Variants in ARHGAP26 observed in about 807,000 individuals in gnomAD.
ARHGAP26 encodes the protein Rho GTPase activating protein 26.
ARHGAP26 carries 38 observed loss-of-function variants against 104.8 expected under a neutral mutation model. The ratio of observed to expected loss-of-function variants is 0.36; its 90% CI spans 0.28 to 0.48. ARHGAP26 has a LOEUF of 0.48. Ranked by LOEUF, ARHGAP26 falls within the 20% of genes least tolerant of loss-of-function variation. The pLI is 0.99. For missense variants in ARHGAP26, 704 were observed against 947.9 expected, an observed-to-expected ratio of 0.74 and a Z score of 3.38; for synonymous variants, 341 against 340.0, an observed-to-expected ratio of 1.00 and a Z score of -0.03.
At chr5:142,992,825 A>G (rs1775815962) in intron 11 of ARHGAP26, among the ~76,000 whole-genome samples, 1 of 152,338 alleles carries the variant, frequency 6.6e-6, no homozygotes, top group South Asian at 2.1e-4. Context: ...CATAGCTGAC[A>G]CTGCTGGGTT....
chr5:142,987,223 T>C (rs996681352), intron 11 of ARHGAP26, among the ~76,000 whole-genome samples: 8 of 152,162 alleles, frequency 5.3e-5, no homozygotes, highest in Non-Finnish European at 1.2e-4. Flanking sequence ...CCCTTGTAAG[T>C]TGGATTCCTA....
rs187312874 is a variant in ARHGAP26 at position 142,986,403 on chromosome 5, T to G, written c.1108-27677T>G. Among the ~76,000 whole-genome samples, 33 of 152,346 alleles carry G rather than the reference T, an allele frequency of 2.2e-4. No homozygotes were observed. The East Asian group carries it at 5.8e-3, about 27-fold the overall frequency. On this transcript the variant is annotated intron_variant, in intron 11 of 22. Transcript: ENST00000645722. ...GTTTAAGTTCTTTGTAGATTCTGGA[T>G]ATTAGCCCTTTGTCAGATGGGTAGA...
chr5:143,140,844 G>A lies in ARHGAP26; in HGVS notation c.1838-6387G>A, dbSNP rs535962574. 7.9e-5 allele frequency among the ~76,000 whole-genome samples: 12 copies of A among 152,252 alleles called. No homozygotes were observed. The East Asian group carries it at 2.1e-3, about 27-fold the overall frequency. ...AGCTCTGAATAATTTTTTTAGTTCC[G>A]TTAATTCATCCTAGACCCTCTCCCA... On this transcript the variant is annotated intron_variant, in intron 19 of 22. Coordinates refer to ENST00000645722, the MANE Select transcript of ARHGAP26 (RefSeq NM_001135608.3).
At chr5:142,919,092 T>C (rs1762864788) in intron 10 of ARHGAP26, 4 of 397,292 alleles carry the variant, frequency 1.0e-5, no homozygotes. Flanking sequence ...GCTGAAGTCC[T>C]AATCCCCAGT....
intron 11 of ARHGAP26, among the ~76,000 whole-genome samples, chr5:142,946,153 C>T (rs185662924): frequency 2.6e-5 from 4 of 152,272 alleles, no homozygotes; most frequent in Non-Finnish European, 5.9e-5. Context: ...CTTCTAAAGC[C>T]TCTCTGACAT....
chr5:142,936,941 T>A (rs1765508486), intron 11 of ARHGAP26, among the ~76,000 whole-genome samples: 1 of 152,098 alleles, frequency 6.6e-6, no homozygotes, highest in African/African-American at 2.4e-5. Flanking sequence ...ATGTGTGGAA[T>A]CTAGGACTAG....
At position 143,114,132 on chromosome 5, in the gene ARHGAP26, T is replaced by C. The variant is rs59504374; in HGVS notation, c.1539-6856T>C. 7.6e-3 allele frequency among the ~76,000 whole-genome samples: 1,154 copies of C among 152,302 alleles called. 13 individuals are homozygous for C. Among genetic ancestry groups the C allele is most frequent in the African/African-American group, 0.026 (1,074 of 41,552 alleles). On this transcript the variant is annotated intron_variant, in intron 17 of 22. Transcript: ENST00000645722. ...GTACCCACCATAAGCATTCAATTAA[T>C]TATTTCAGGCTTCCTGTCTGGCTTC...
At chr5:142,990,137 G>C (rs1299603174) in intron 11 of ARHGAP26, among the ~76,000 whole-genome samples, 2 of 152,114 alleles carry the variant, frequency 1.3e-5, no homozygotes, top group Admixed American at 1.3e-4. Context: ...ACATTTCTTG[G>C]AGGATTTGTT....
chr5:142,984,408 C>T (rs1346623558), intron 11 of ARHGAP26, among the ~76,000 whole-genome samples: 1 of 152,164 alleles, frequency 6.6e-6, no homozygotes, highest in Admixed American at 6.5e-5. Flanking sequence ...AAATACTATT[C>T]TACAACCAGA....
At chr5:142,963,518 A>AT (rs1043648777) in intron 11 of ARHGAP26, among the ~76,000 whole-genome samples, 17 of 151,802 alleles carry the variant, frequency 1.1e-4, no homozygotes, top group Non-Finnish European at 2.5e-4. Flanking sequence ...AGCATCTCTT[A>AT]TTTTTTTACT....
chr5:142,771,096 A>G lies in ARHGAP26; in HGVS notation c.154+181A>G. On this transcript the variant is annotated intron_variant, in intron 1 of 22. Coordinates refer to ENST00000645722, the MANE Select transcript of ARHGAP26 (RefSeq NM_001135608.3). The stretch of plus-strand genomic sequence containing the variant: ...CGGGCGAACCAGCAACCATCAGATG[A>G]AGAGAGAGACCCGTCGCTCCGCCTT... 7.5e-6 allele frequency: 10 copies of G among 1,340,686 alleles called. No individual in the cohort carries two copies. In the South Asian group the frequency reaches 1.9e-4, roughly 25 times the overall value. 83.0% of individuals were successfully genotyped at this position (1,340,686 alleles called of 1,614,324 possible).
chr5:143,075,269 A>G (rs1034259898), intron 17 of ARHGAP26, among the ~76,000 whole-genome samples: 29 of 151,570 alleles, frequency 1.9e-4, no homozygotes, highest in Admixed American at 3.9e-4. Flanking sequence ...GTAAGTAAAT[A>G]TTATGTATAG....
At chr5:142,949,178 A>AGAGAGAGAGAGAGAGAGAGAGAGGG (rs1554167193) in intron 11 of ARHGAP26, among the ~76,000 whole-genome samples, 1 of 4,742 alleles carries the variant, frequency 2.1e-4, no homozygotes, top group Admixed American at 1.6e-3. Context: ...AGAGAGAGAG[A>AGAGAGAGAGAGAGAGAGAGAGAGGG]GAGAGAGAGA....
At chr5:142,851,007 A>G (rs1751399786) in intron 1 of ARHGAP26, among the ~76,000 whole-genome samples, 1 of 152,234 alleles carries the variant, frequency 6.6e-6, no homozygotes, top group East Asian at 1.9e-4. Context: ...AGTTTACACT[A>G]CAGATTAATC....
chr5:142,897,792 A>C (rs371777730), intron 6 of ARHGAP26, among the ~76,000 whole-genome samples: 1 of 152,252 alleles, frequency 6.6e-6, no homozygotes, highest in Non-Finnish European at 1.5e-5. Context: ...AAATTGAAAC[A>C]AATAAGTTTC....
intron 1 of ARHGAP26, among the ~76,000 whole-genome samples, chr5:142,806,701 A>T (rs1426015900): frequency 1.3e-5 from 2 of 152,228 alleles, no homozygotes; most frequent in African/African-American, 2.4e-5. Context: ...AGAAAAGACA[A>T]TCCCAGTTAT....
chr5:143,074,320 C>T (rs191754267), intron 17 of ARHGAP26, among the ~76,000 whole-genome samples: 35 of 152,256 alleles, frequency 2.3e-4, no homozygotes, highest in Non-Finnish European at 4.0e-4. Context: ...ACTGACTTTT[C>T]GTCCATTATA....
chr5:143,134,136 C>T, intron 19 of ARHGAP26, 31 bp downstream of exon 19: 1 of 1,584,022 alleles, frequency 6.3e-7, no homozygotes, highest in Non-Finnish European at 8.6e-7. Context: ...GCCAGCGTGG[C>T]ATTCAGGGAC....
chr5:143,033,008 A>G (rs977808711), intron 12 of ARHGAP26, among the ~76,000 whole-genome samples: 13 of 152,236 alleles, frequency 8.5e-5, no homozygotes, highest in African/African-American at 3.1e-4. Flanking sequence ...AAGAGATTCC[A>G]TTTCTTAACA....
Sources: gnomAD v4.1 joint callset for allele counts (sites outside exome capture counted in the v4.1 genomes callset) on GRCh38, gnomAD v4.1.1 for gene constraint, MANE v1.5 for transcripts, NCBI Gene and HGNC (gene_info 2026-07-23, HGNC 2026-07-21) for gene names.